Variants in FAT4 observed in about 807,000 individuals in gnomAD.
FAT4 encodes FAT atypical cadherin 4, also known as protocadherin Fat 4.
FAT4 carries 84 observed loss-of-function variants against 303.9 expected under a neutral mutation model. The observed-to-expected ratio is 0.28, with a 90% CI of 0.23 to 0.33. The LOEUF is 0.33. Among genes scored for constraint, FAT4 ranks in the 10% least tolerant of loss-of-function variants. The pLI is 1.00. For missense variants in FAT4, 6,005 were observed against 6,146.8 expected, an observed-to-expected ratio of 0.98 and a Z score of 0.77; for synonymous variants, 2,307 against 2,298.8, an observed-to-expected ratio of 1.00 and a Z score of -0.10.
chr4:125,451,777 G>C lies in FAT4; in HGVS notation c.10767G>C (p.Lys3589Asn), dbSNP rs139021655. Residue 3589 changes from lysine to asparagine, a missense_variant, in exon 10 of 18, where the codon AAG becomes AAC. By Grantham distance (94) the Lys-to-Asn change is moderately conservative (BLOSUM62 0). Transcript: ENST00000394329. Reference protein sequence around the residue: ...IADFYLSVVTKDSGVPQMSST... With the variant: ...IADFYLSVVTNDSGVPQMSST... ...ACTTCTATCTGTCTGTGGTTACCAA[G>C]GATTCTGGTGTTCCTCAAATGTCTT... 6.2e-7 allele frequency: 1 copy of C among 1,614,142 alleles called. No individual in the cohort carries two copies. The highest frequency in any genetic ancestry group is 1.1e-5 in the South Asian group (1 of 91,076).
At chr4:125,355,318 T>C (rs1732383953) in intron 2 of FAT4, among the ~76,000 whole-genome samples, 1 of 151,996 alleles carries the variant, frequency 6.6e-6, no homozygotes, top group Admixed American at 6.6e-5. Context: ...AACAGAAAAT[T>C]TGGATATCCT....
intron 7 of FAT4, among the ~76,000 whole-genome samples, chr4:125,416,860 C>T (rs373248093): frequency 6.6e-6 from 1 of 152,012 alleles, no homozygotes; most frequent in Non-Finnish European, 1.5e-5. Context: ...GCAGGAGAAT[C>T]GCTTGAAACC....
Position 125,320,610 on chromosome 4 carries a change from G to T in FAT4, c.4199G>T (p.Arg1400Leu). The change falls in exon 2 of 18, where the codon CGT (arginine) becomes CTT (leucine). Residue 1400 changes from arginine (R) to leucine (L), a missense_variant. Physicochemically the swap from Arg to Leu is moderately radical, Grantham distance 102. Coordinates refer to ENST00000394329, the MANE Select transcript of FAT4 (RefSeq NM_001291303.3). ...GCAAAAGACCAAGGAAGACCTCCTC[G>T]TTCATCTACAATGTCAGTGGTTATT... ...ITAKDQGRPP[R>L]SSTMSVVIHV... 6.2e-7 allele frequency: 1 copy of T among 1,614,086 alleles called. No individual in the cohort carries two copies. Among genetic ancestry groups the T allele is most frequent in the Non-Finnish European group, 8.5e-7 (1 of 1,179,952 alleles).
At position 125,318,887 on chromosome 4, in the gene FAT4, A is replaced by G. The variant is rs375597762; in HGVS notation, c.2476A>G (p.Ile826Val). ...ATCCACCATGGATCTCAATTCCAAC[A>G]TCAGTTATCTCATTACTACTGGGGA... is the stretch of plus-strand genomic sequence containing the variant. ...SASTMDLNSN[I>V]SYLITTGDQK... The change falls in exon 2 of 18, where the codon ATC becomes GTC. Residue 826 changes from isoleucine (I) to valine (V), a missense_variant. Transcript: ENST00000394329. 2 of 1,614,096 alleles carry G rather than the reference A, an allele frequency of 1.2e-6. No individual in the cohort carries two copies. The highest frequency in any genetic ancestry group is 1.3e-5 in the African/African-American group (1 of 74,948).
chr4:125,416,652 AGAT>A (rs758526297), intron 7 of FAT4, 30 bp downstream of exon 7: 1 of 1,607,694 alleles, frequency 6.2e-7, no homozygotes, highest in South Asian at 1.1e-5. Context: ...GTTCATTTGT[AGAT>A]AATTTCTAGG....
chr4:125,387,651 T>C (rs1733805061), intron 2 of FAT4, among the ~76,000 whole-genome samples: 1 of 152,142 alleles, frequency 6.6e-6, no homozygotes, highest in South Asian at 2.1e-4. Context: ...CCCTGACAGA[T>C]AGCAGTATGG....
At chr4:125,353,436 G>T (rs940703992) in intron 2 of FAT4, among the ~76,000 whole-genome samples, 1 of 151,458 alleles carries the variant, frequency 6.6e-6, no homozygotes, top group Non-Finnish European at 1.5e-5. Flanking sequence ...AAATTGTACT[G>T]TGCCCCAAAT....
chr4:125,339,732 T>C (rs1358801538), intron 2 of FAT4, among the ~76,000 whole-genome samples: 12 of 152,198 alleles, frequency 7.9e-5, no homozygotes, highest in African/African-American at 1.7e-4. Flanking sequence ...TAACTCCCTT[T>C]GGATCATACA....
At position 125,452,594 on chromosome 4, in the gene FAT4, G is replaced by A; in HGVS notation, c.11584G>A (p.Glu3862Lys). 1 of 1,614,170 alleles carries A rather than the reference G, an allele frequency of 6.2e-7. No homozygotes were observed. The highest frequency in any genetic ancestry group is 8.5e-7 in the Non-Finnish European group (1 of 1,180,036). Residue 3862 changes from glutamate (E) to lysine (K), a missense_variant, in exon 10 of 18, where the codon GAA becomes AAA. Glu to Lys is a moderately conservative substitution (Grantham distance 56). Coordinates refer to ENST00000394329, the MANE Select transcript of FAT4 (RefSeq NM_001291303.3). The part of the protein sequence containing the change: ...CLPGYAGSWC[E>K]IDIDECLPSP... ...GCCAGGATATGCGGGTAGCTGGTGT[G>A]AAATAGATATAGATGAATGTCTTCC...
At chr4:125,347,205 TATC>T (rs1366803851) in intron 2 of FAT4, among the ~76,000 whole-genome samples, 7 of 150,494 alleles carry the variant, frequency 4.7e-5, no homozygotes, top group African/African-American at 1.7e-4. Context: ...AATTATATAT[TATC>T]ATAATATATA....
chr4:125,483,047 A>C (rs1727284417), intron 16 of FAT4, among the ~76,000 whole-genome samples: 2 of 152,192 alleles, frequency 1.3e-5, no homozygotes, highest in Admixed American at 6.5e-5. Flanking sequence ...GCTAAACAGT[A>C]GCACTTCACA....
chr4:125,385,020 ATATATTT>A (rs1560790744), intron 2 of FAT4, among the ~76,000 whole-genome samples: 2 of 94,902 alleles, frequency 2.1e-5, no homozygotes, highest in Admixed American at 1.1e-4. Flanking sequence ...ATATATATAT[ATATATTT>A]TTTTTTTTTT....
intron 2 of FAT4, among the ~76,000 whole-genome samples, chr4:125,355,890 G>C (rs1164725720): frequency 6.6e-6 from 1 of 151,548 alleles, no homozygotes; most frequent in Non-Finnish European, 1.5e-5. Flanking sequence ...TCCTTCCCCA[G>C]ATATTCTTAC....
chr4:125,345,669 C>T (rs1343418027), intron 2 of FAT4, among the ~76,000 whole-genome samples: 1 of 151,876 alleles, frequency 6.6e-6, no homozygotes, highest in Non-Finnish European at 1.5e-5. Flanking sequence ...TTCTTTTGGC[C>T]TCTAATTCAA....
intron 8 of FAT4, among the ~76,000 whole-genome samples, chr4:125,441,635 C>T (rs1725663723): frequency 6.6e-6 from 1 of 152,174 alleles, no homozygotes; most frequent in African/African-American, 2.4e-5. Flanking sequence ...AGGGCAATGG[C>T]AGAAGTATGC....
chr4:125,384,832 T>A (rs893539795), intron 2 of FAT4, among the ~76,000 whole-genome samples: 4 of 151,800 alleles, frequency 2.6e-5, no homozygotes, highest in Non-Finnish European at 5.9e-5. Flanking sequence ...GGGCCTGAGC[T>A]CTAGTAAGAT....
At chr4:125,375,702 A>T (rs190707474) in intron 2 of FAT4, among the ~76,000 whole-genome samples, 4 of 152,332 alleles carry the variant, frequency 2.6e-5, no homozygotes, top group Admixed American at 2.0e-4. Context: ...TTTTGATGTC[A>T]TCCGTAAATG....
rs535040673 is a variant in FAT4 at position 125,491,619 on chromosome 4, C to A, written c.14803C>A (p.Leu4935Ile). The change falls in exon 18 of 18, where the codon CTT (leucine) becomes ATT (isoleucine). Residue 4935 changes from leucine (L) to isoleucine (I), a missense_variant. Leu to Ile is a conservative substitution (Grantham distance 5, BLOSUM62 2). Coordinates refer to ENST00000394329, the MANE Select transcript of FAT4 (RefSeq NM_001291303.3). ...AGCAGGGACTTTCAACTGGGACAAC[C>A]TTTTGAACTGGGGCCCTGGCTTTGG... Reference protein sequence around the residue: ...QQAGTFNWDNLLNWGPGFGHY... With the variant: ...QQAGTFNWDNILNWGPGFGHY... The A allele has an allele frequency of 9.9e-6, 16 of 1,614,174 alleles. No homozygotes were observed. The African/African-American group carries it at 1.7e-4, about 17-fold the overall frequency.
At chr4:125,365,320 G>T (rs1463390341) in intron 2 of FAT4, among the ~76,000 whole-genome samples, 1 of 152,162 alleles carries the variant, frequency 6.6e-6, no homozygotes, top group Admixed American at 6.6e-5. Context: ...TTGGAGTGTA[G>T]TATCCATGAA....
Sources: gnomAD v4.1 joint callset for allele counts (sites outside exome capture counted in the v4.1 genomes callset) on GRCh38, gnomAD v4.1.1 for gene constraint, MANE v1.5 for transcripts, NCBI Gene and HGNC (gene_info 2026-07-23, HGNC 2026-07-21) for gene names.